TRIM62: variants seen among roughly 807,000 people sequenced by gnomAD.
TRIM62 encodes the protein E3 ubiquitin-protein ligase TRIM62.
A neutral mutation model predicts 44.2 loss-of-function variants in TRIM62; 39 were observed. That is an observed-to-expected ratio of 0.88 (90% CI 0.68 to 1.15). The LOEUF is 1.15. TRIM62 is among the 50% of genes most tolerant of loss of function. The probability of loss-of-function intolerance (pLI) is 0.00; values close to 1 mark genes in which losing one functional copy is unlikely to be tolerated. For missense variants in TRIM62, 544 were observed against 665.5 expected (o/e 0.82, Z 2.01); for synonymous variants, 278 against 292.3 (o/e 0.95, Z 0.50).
Position 33,146,980 on chromosome 1 carries a change from C to T in TRIM62, c.*197G>A, listed in dbSNP as rs573541676. ...TGTATCCCTATCAAGGTCAGAGCTACAGAACATCGATGCTGGAAGAGAGTT... is the reference window on the plus strand; with the variant it reads ...TGTATCCCTATCAAGGTCAGAGCTATAGAACATCGATGCTGGAAGAGAGTT... On this transcript the variant is annotated 3_prime_UTR_variant, in exon 5 of 5. Transcript: ENST00000291416. 25 of 621,978 alleles carry T rather than the reference C, an allele frequency of 4.0e-5. No homozygotes were observed. The South Asian group carries it at 4.8e-4, about 12-fold the overall frequency. 38.5% of individuals were successfully genotyped at this position (621,978 alleles called of 1,614,324 possible).
chr1:33,158,513 T>C (rs920980359), intron 3 of TRIM62, 145 bp from the exon 4 acceptor site: 5 of 642,272 alleles, frequency 7.8e-6, no homozygotes, highest in Non-Finnish European at 1.4e-5. Flanking sequence ...AGTGCCTGCT[T>C]GTGCTGCTTC....
chr1:33,149,465 A>AAG (rs1373433316), intron 4 of TRIM62, among the ~76,000 whole-genome samples: 2 of 151,322 alleles, frequency 1.3e-5, no homozygotes, highest in East Asian at 3.9e-4. Context: ...TTTTAAAAAA[A>AAG]AAAAATACAG....
rs972494487 is a variant in TRIM62 at position 33,146,951 on chromosome 1, A to G, written c.*226T>C. Reference sequence around the variant, plus strand: ...GAAGCCATGTCACATCCTTGGATCAAAGCTGTATCCCTATCAAGGTCAGAG... The same window carrying G: ...GAAGCCATGTCACATCCTTGGATCAGAGCTGTATCCCTATCAAGGTCAGAG... On this transcript the variant is annotated 3_prime_UTR_variant, in exon 5 of 5. Coordinates refer to ENST00000291416, the MANE Select transcript of TRIM62 (RefSeq NM_018207.3). 1.7e-6 allele frequency: 1 copy of G among 579,202 alleles called. No homozygotes were observed. The highest frequency in any genetic ancestry group is 3.1e-6 in the Non-Finnish European group (1 of 326,638). 35.9% of individuals were successfully genotyped at this position (579,202 alleles called of 1,614,324 possible). A position where few individuals can be genotyped will look rare whatever the true frequency, so the allele number is the denominator to read the frequency against.
rs1361094118 is a variant in TRIM62 at position 33,177,070 on chromosome 1, C to T, written c.408+3955G>A. On this transcript the variant is annotated intron_variant, in intron 1 of 4. Transcript: ENST00000291416. The surrounding 1 kb of genome is among the most constrained non-coding windows in gnomAD (Gnocchi z 4.1). Reference sequence around the variant, plus strand: ...ACACACGCACACACACACACATGCACACACACACATGCATGCACAAATGCA... The same window carrying T: ...ACACACGCACACACACACACATGCATACACACACATGCATGCACAAATGCA... Among the ~76,000 whole-genome samples, 5 of 10,832 alleles carry T rather than the reference C, an allele frequency of 4.6e-4. No individual in the cohort carries two copies. The highest frequency in any genetic ancestry group is 1.2e-3 in the African/African-American group (4 of 3,380). 7.1% of individuals were successfully genotyped at this position (10,832 alleles called of 152,430 possible). A position where few individuals can be genotyped will look rare whatever the true frequency, so the allele number is the denominator to read the frequency against.
At chr1:33,176,526 C>G (rs1235003579) in intron 1 of TRIM62, 1 of 652,830 alleles carries the variant, frequency 1.5e-6, no homozygotes, top group Non-Finnish European at 2.9e-6. Flanking sequence ...ATCGGATCCC[C>G]TCTCTGGGGG....
intron 4 of TRIM62, among the ~76,000 whole-genome samples, chr1:33,152,836 G>T (rs1367465101): frequency 6.6e-6 from 1 of 152,194 alleles, no homozygotes; most frequent in East Asian, 1.9e-4. Context: ...ACTGGATTCA[G>T]ATTAGCAGGG....
At position 33,146,853 on chromosome 1, in the gene TRIM62, G is replaced by T; in HGVS notation, c.*324C>A. ...TTCCTGAGGTCAGGGCTGGGCTGGA[G>T]GGAGACACTGGAAGGTAGTCCCCTG... is the stretch of plus-strand genomic sequence containing the variant. On this transcript the variant is annotated 3_prime_UTR_variant, in exon 5 of 5. Transcript: ENST00000291416. 2.8e-6 allele frequency: 1 copy of T among 354,488 alleles called. No homozygotes were observed. Among genetic ancestry groups the T allele is most frequent in the South Asian group, 3.4e-5 (1 of 29,734 alleles). 22.0% of individuals were successfully genotyped at this position (354,488 alleles called of 1,614,324 possible).
chr1:33,160,492 C>A (rs1645250517), intron 2 of TRIM62, among the ~76,000 whole-genome samples: 1 of 152,068 alleles, frequency 6.6e-6, no homozygotes, highest in African/African-American at 2.4e-5. Context: ...GCAACCTCCA[C>A]CTCCTGGGTT....
chr1:33,176,901 G>C (rs150632477), intron 1 of TRIM62, among the ~76,000 whole-genome samples: 1 of 152,206 alleles, frequency 6.6e-6, no homozygotes, highest in Non-Finnish European at 1.5e-5. Context: ...GCAGTCCCAG[G>C]CATTCAGACT....
At chr1:33,149,516 G>A (rs1462868410) in intron 4 of TRIM62, among the ~76,000 whole-genome samples, 1 of 152,048 alleles carries the variant, frequency 6.6e-6, no homozygotes, top group Non-Finnish European at 1.5e-5. Flanking sequence ...GTGCAGTAGT[G>A]TCATCATAGC....
Position 33,147,802 on chromosome 1 carries a change from G to A in TRIM62, c.878-75C>T, listed in dbSNP as rs1416283547. On this transcript the variant is annotated intron_variant, in intron 4 of 4. Coordinates refer to ENST00000291416, the MANE Select transcript of TRIM62 (RefSeq NM_018207.3). This position sits in a 1 kb window ranked among gnomAD's most constrained non-coding sequence, Gnocchi z 8.1. Reference sequence around the variant, plus strand: ...ACCCACCATGCAGTGCCTTCCTGAGGGCAGAGTTCTGGTTGGTACGCAGGA... The same window carrying A: ...ACCCACCATGCAGTGCCTTCCTGAGAGCAGAGTTCTGGTTGGTACGCAGGA... 5.9e-6 allele frequency: 9 copies of A among 1,525,924 alleles called. No homozygotes were observed. The highest frequency in any genetic ancestry group is 7.1e-6 in the Non-Finnish European group (8 of 1,128,798). 94.5% of individuals were successfully genotyped at this position (1,525,924 alleles called of 1,614,324 possible).
In TRIM62 at chr1:33,181,390, G is replaced by C. The variant is rs774791293; in HGVS notation, c.43C>G (p.Leu15Val). The C allele has an allele frequency of 6.2e-7, 1 of 1,602,884 alleles. No homozygotes were observed. Among genetic ancestry groups the C allele is most frequent in the African/African-American group, 1.3e-5 (1 of 74,626 alleles). Residue 15 changes from leucine to valine, a missense_variant, in exon 1 of 5, where the codon CTG becomes GTG. Coordinates refer to ENST00000291416, the MANE Select transcript of TRIM62 (RefSeq NM_018207.3). This position sits in a 1 kb window ranked among gnomAD's most constrained non-coding sequence, Gnocchi z 6.5. ...LKDELLCSIC[L>V]SIYQDPVSLG... Reference sequence around the variant, plus strand: ...CTCACCGGGTCCTGGTAGATGCTCAGGCAGATGGAGCACAGCAGCTCGTCC... The same window carrying C: ...CTCACCGGGTCCTGGTAGATGCTCACGCAGATGGAGCACAGCAGCTCGTCC...
rs1645274991 is a variant in TRIM62, at chr1:33,161,989, C to T, written c.505-2045G>A. On this transcript the variant is annotated intron_variant, in intron 2 of 4. Transcript: ENST00000291416. This position sits in a 1 kb window ranked among gnomAD's most constrained non-coding sequence, Gnocchi z 4.3. ...ATGGTTCCCAAGTCCATATAGATGGCCTTGCCTGTCTCCTGAGTGCCACAC... is the reference window on the plus strand; with the variant it reads ...ATGGTTCCCAAGTCCATATAGATGGTCTTGCCTGTCTCCTGAGTGCCACAC... Among the ~76,000 whole-genome samples the T allele has an allele frequency of 6.6e-6, 1 of 152,154 alleles. No homozygotes were observed. Among genetic ancestry groups the T allele is most frequent in the South Asian group, 2.1e-4 (1 of 4,828 alleles).
chr1:33,174,903 GTGTA>G (rs768765083), intron 1 of TRIM62, among the ~76,000 whole-genome samples: 1 of 141,076 alleles, frequency 7.1e-6, no homozygotes, highest in Admixed American at 7.3e-5. Context: ...ATGTGTGTGT[GTGTA>G]TATATATATA....
At position 33,159,247 on chromosome 1, in the gene TRIM62, G is replaced by C. The variant is rs182022223; in HGVS notation, c.761+441C>G. Among the ~76,000 whole-genome samples, 15 of 152,040 alleles carry C rather than the reference G, an allele frequency of 9.9e-5. No individual in the cohort carries two copies. In the East Asian group the frequency reaches 2.5e-3, roughly 25 times the overall value. ...ATATAAAGCCTTTATATAGTAACAC[G>C]TAATGCCAACATTATCATAAATAAA... On this transcript the variant is annotated intron_variant, in intron 3 of 4. Transcript: ENST00000291416. The surrounding 1 kb of genome is among the most constrained non-coding windows in gnomAD (Gnocchi z 4.2).
intron 2 of TRIM62, chr1:33,163,382 G>A (rs754087055): frequency 6.6e-6 from 1 of 151,836 alleles, no homozygotes; most frequent in Non-Finnish European, 1.5e-5. Flanking sequence ...ACTACTTATT[G>A]TGTGCCAGAC....
rs1344566250 is a variant in TRIM62, at chr1:33,145,827, G to A, written c.*1350C>T. 8.5e-6 allele frequency: 4 copies of A among 470,010 alleles called. No homozygotes were observed. Among genetic ancestry groups the A allele is most frequent in the Admixed American group, 7.1e-5 (3 of 42,356 alleles). The allele number at this position is 470,010 out of a possible 1,614,324, so 29.1% of individuals were successfully genotyped here. A position where few individuals can be genotyped will look rare whatever the true frequency, so the allele number is the denominator to read the frequency against. On this transcript the variant is annotated 3_prime_UTR_variant, in exon 5 of 5. Coordinates refer to ENST00000291416, the MANE Select transcript of TRIM62 (RefSeq NM_018207.3). ...TGGATGCTGTGGCAGAAAAACGCAG[G>A]TGGGGCTTGCTCCACCCACCCTAAC...
At position 33,158,212 on chromosome 1, in the gene TRIM62, A is replaced by G. The variant is rs747040166; in HGVS notation, c.877+41T>C. On this transcript the variant is annotated intron_variant, in intron 4 of 4. Coordinates refer to ENST00000291416, the MANE Select transcript of TRIM62 (RefSeq NM_018207.3). ...ACAGGGGGCTGGGCTGTGCTGGGACATGCCCCACCTAGCTCTGGACCATGA... is the reference window on the plus strand; with the variant it reads ...ACAGGGGGCTGGGCTGTGCTGGGACGTGCCCCACCTAGCTCTGGACCATGA... 8 of 1,581,348 alleles carry G rather than the reference A, an allele frequency of 5.1e-6. No homozygotes were observed. The South Asian group carries it at 5.5e-5, about 11-fold the overall frequency.
chr1:33,165,450 C>T lies in TRIM62; in HGVS notation c.504+21G>A. On this transcript the variant is annotated intron_variant, in intron 2 of 4. Coordinates refer to ENST00000291416, the MANE Select transcript of TRIM62 (RefSeq NM_018207.3). This position sits in a 1 kb window ranked among gnomAD's most constrained non-coding sequence, Gnocchi z 4.0. ...GCCCTCATCTCTGCCGGCCCCACCT[C>T]CGCGCCCCGGCCAGGCTCACCTTGG... The T allele has an allele frequency of 6.4e-7, 1 of 1,567,428 alleles. No individual in the cohort carries two copies. Among genetic ancestry groups the T allele is most frequent in the East Asian group, 2.4e-5 (1 of 42,412 alleles).
Sources: gnomAD v4.1 joint callset for allele counts (sites outside exome capture counted in the v4.1 genomes callset) on GRCh38, gnomAD v4.1.1 for gene constraint, Gnocchi (gnomAD v3.1) non-coding constraint, MANE v1.5 for transcripts, NCBI Gene and HGNC (gene_info 2026-07-23, HGNC 2026-07-21) for gene names.